Variants in SATB1 observed in about 807,000 individuals in gnomAD.
SATB1 encodes the protein SATB homeobox 1.
A neutral mutation model predicts 86.9 loss-of-function variants in SATB1; 11 were observed. That is an observed-to-expected ratio of 0.13 (90% CI 0.08 to 0.21). The LOEUF (loss-of-function observed/expected upper bound fraction) is 0.21. SATB1 is among the 10% of genes least tolerant of loss of function. The pLI is 1.00. For missense variants in SATB1, 551 were observed against 937.6 expected (o/e 0.59, Z 5.39); for synonymous variants, 357 against 357.2 (o/e 1.00, Z 0.01).
intron 1 of SATB1, among the ~76,000 whole-genome samples, chr3:18,421,872 CT>C (rs1264832382): frequency 6.6e-6 from 1 of 150,878 alleles, no homozygotes; most frequent in Non-Finnish European, 1.5e-5. Context: ...AACAAAAAAC[CT>C]TGATGATACT....
At chr3:18,367,102 C>T (rs950296893) in intron 9 of SATB1, among the ~76,000 whole-genome samples, 8 of 152,190 alleles carry the variant, frequency 5.3e-5, no homozygotes, top group Non-Finnish European at 7.3e-5. Flanking sequence ...AAACGGCTTG[C>T]CTGGGACTAC....
intron 5 of SATB1, among the ~76,000 whole-genome samples, chr3:18,398,099 C>G (rs934822515): frequency 6.6e-6 from 1 of 152,094 alleles, no homozygotes; most frequent in Admixed American, 6.6e-5. Context: ...AAAAGATGAC[C>G]TATCGTGACT....
At chr3:18,425,860 G>C (rs1322048467), upstream of SATB1, among the ~76,000 whole-genome samples, 1 of 139,564 alleles carries the variant, frequency 7.2e-6, no homozygotes, top group Non-Finnish European at 1.6e-5. Context: ...GGGGGCGGGG[G>C]GAAGGAAAAT....
intron 5 of SATB1, among the ~76,000 whole-genome samples, chr3:18,410,047 G>A (rs1231971760): frequency 6.6e-6 from 1 of 151,946 alleles, no homozygotes; most frequent in Non-Finnish European, 1.5e-5. Flanking sequence ...GAACTATACC[G>A]GCAAATCTTC....
chr3:18,436,633 G>A (rs1481878902), intron 2 of SATB1, among the ~76,000 whole-genome samples: 2 of 151,876 alleles, frequency 1.3e-5, no homozygotes, highest in South Asian at 2.1e-4. Context: ...AATCTTTATC[G>A]GCACAAGCTA....
Position 18,381,498 on chromosome 3 carries a change from A to C in SATB1, c.1420-3173T>G, listed in dbSNP as rs76015153. On this transcript the variant is annotated intron_variant, in intron 8 of 10. Transcript: ENST00000338745. ...TTATGATTGTCCCATTTTAAAATTGAGAAAACTCCGTTAAAACAAACAGGT... is the reference window on the plus strand; with the variant it reads ...TTATGATTGTCCCATTTTAAAATTGCGAAAACTCCGTTAAAACAAACAGGT... 6.3e-3 allele frequency among the ~76,000 whole-genome samples: 956 copies of C among 152,352 alleles called. 23 individuals carry two copies. The East Asian group carries it at 0.066, about 10-fold the overall frequency.
At chr3:18,413,992 A>G (rs922544621) in intron 5 of SATB1, among the ~76,000 whole-genome samples, 3 of 152,106 alleles carry the variant, frequency 2.0e-5, no homozygotes, top group Non-Finnish European at 2.9e-5. Flanking sequence ...CATAAGCCTC[A>G]CATTAGAAAC....
intron 2 of SATB1, among the ~76,000 whole-genome samples, chr3:18,430,642 A>G (rs971919513): frequency 6.6e-6 from 1 of 152,226 alleles, no homozygotes; most frequent in Non-Finnish European, 1.5e-5. Context: ...TGCACTGCAG[A>G]GAATAATGGC....
Position 18,424,141 on chromosome 3 carries a change from C to G in SATB1, c.-539G>C, listed in dbSNP as rs1698536414. 1 of 152,082 alleles carries G rather than the reference C, an allele frequency of 6.6e-6. No homozygotes were observed. The highest frequency in any genetic ancestry group is 6.6e-5 in the Admixed American group (1 of 15,254). The allele number at this position is 152,082 out of a possible 1,614,324, so 9.4% of individuals were successfully genotyped here. A position where few individuals can be genotyped will look rare whatever the true frequency, so the allele number is the denominator to read the frequency against. On this transcript the variant is annotated 5_prime_UTR_variant, in exon 1 of 11. Transcript: ENST00000338745. ...TCTCTTAAAAAAAAAAAAATCACTGCGGACAAGGTCTCCAAAAAGGAAAAA... is the reference window on the plus strand; with the variant it reads ...TCTCTTAAAAAAAAAAAAATCACTGGGGACAAGGTCTCCAAAAAGGAAAAA...
At chr3:18,391,908 G>C (rs1696696158) in intron 7 of SATB1, among the ~76,000 whole-genome samples, 1 of 152,080 alleles carries the variant, frequency 6.6e-6, no homozygotes, top group Non-Finnish European at 1.5e-5. Context: ...TTTTAAGAAT[G>C]ACCAATGAAA....
chr3:18,390,180 T>A (rs1181341461), intron 7 of SATB1, among the ~76,000 whole-genome samples: 1 of 152,166 alleles, frequency 6.6e-6, no homozygotes, highest in African/African-American at 2.4e-5. Context: ...ACTGCCAATC[T>A]GAACAAAAAG....
At chr3:18,397,041 C>A in intron 6 of SATB1, 138 bp downstream of exon 6, 1 of 620,138 alleles carries the variant, frequency 1.6e-6, no homozygotes, top group South Asian at 1.9e-5. Flanking sequence ...CTCATACCCA[C>A]TTCCCACCCC....
chr3:18,440,234 C>T (rs1435525175), upstream of SATB1, among the ~76,000 whole-genome samples: 2 of 152,134 alleles, frequency 1.3e-5, no homozygotes, highest in African/African-American at 4.8e-5. Flanking sequence ...CATGCAGATT[C>T]TTTTGGGGTT....
Position 18,416,015 on chromosome 3 carries a change from C to T in SATB1, c.507G>A (p.Gln169=). Residue 169 remains glutamine, a synonymous_variant, in exon 4 of 11, where the codon CAG becomes CAA. Coordinates refer to ENST00000338745, the MANE Select transcript of SATB1 (RefSeq NM_002971.6). ...DVYHVVTLKI[Q]LHSCPKLEDL... ...TTGCTGTCTTGACTCACCTGTGTAACTGAATTTTCAATGTGACCACATGAT... is the reference window on the plus strand; with the variant it reads ...TTGCTGTCTTGACTCACCTGTGTAATTGAATTTTCAATGTGACCACATGAT... The T allele has an allele frequency of 6.2e-7, 1 of 1,601,388 alleles. No homozygotes were observed. The highest frequency in any genetic ancestry group is 1.3e-5 in the African/African-American group (1 of 74,522).
intron 8 of SATB1, among the ~76,000 whole-genome samples, chr3:18,383,369 ATCT>A (rs1349485725): frequency 6.6e-6 from 1 of 152,156 alleles, no homozygotes; most frequent in Non-Finnish European, 1.5e-5. Flanking sequence ...CTCCAAAATC[ATCT>A]TCTGCATGTT....
At chr3:18,368,185 T>G (rs1342184796) in intron 9 of SATB1, among the ~76,000 whole-genome samples, 1 of 152,222 alleles carries the variant, frequency 6.6e-6, no homozygotes, top group Non-Finnish European at 1.5e-5. Flanking sequence ...TAAGAAGGGT[T>G]CTGAGGTGAT....
intron 2 of SATB1, among the ~76,000 whole-genome samples, chr3:18,419,129 T>G (rs1430862808): frequency 6.6e-6 from 1 of 152,236 alleles, no homozygotes; most frequent in East Asian, 1.9e-4. Flanking sequence ...TGATCATGTT[T>G]AGAGGTACCC....
At chr3:18,377,800 T>C (rs1036992278) in intron 9 of SATB1, among the ~76,000 whole-genome samples, 6 of 152,150 alleles carry the variant, frequency 3.9e-5, no homozygotes, top group African/African-American at 1.4e-4. Flanking sequence ...TTTTGTAGCA[T>C]TTTAGTAGGA....
chr3:18,404,858 A>AAT (rs1697444072), intron 5 of SATB1, among the ~76,000 whole-genome samples: 1 of 152,010 alleles, frequency 6.6e-6, no homozygotes, highest in Non-Finnish European at 1.5e-5. Context: ...TAAAAGGTAT[A>AAT]TTAAGAGCAT....
Sources: gnomAD v4.1 joint callset for allele counts (sites outside exome capture counted in the v4.1 genomes callset) on GRCh38, gnomAD v4.1.1 for gene constraint, MANE v1.5 for transcripts, NCBI Gene and HGNC (gene_info 2026-07-23, HGNC 2026-07-21) for gene names.